The following SUMF1 variants were observed in gnomAD, a reference collection of about 807,000 sequenced individuals.
SUMF1 encodes the protein formylglycine-generating enzyme.
In SUMF1, 48 loss-of-function variants were observed where a neutral mutation model predicts 47.6. The observed-to-expected ratio is 1.01, with a 90% CI of 0.80 to 1.28. The LOEUF (loss-of-function observed/expected upper bound fraction) is 1.28, where lower values mean the gene tolerates loss of function less well. Ranked by LOEUF, SUMF1 falls within the 50% of genes most tolerant of loss-of-function variation. The probability of loss-of-function intolerance (pLI) is 0.00; values close to 1 mark genes in which losing one functional copy is unlikely to be tolerated. For synonymous variants in SUMF1, 230 were observed against 192.1 expected (o/e 1.20, Z -1.63); for missense variants, 571 against 485.4 (o/e 1.18, Z -1.66).
At chr3:4,389,527 A>G in intron 7 of SUMF1, among the ~76,000 whole-genome samples, 1 of 152,172 alleles carries the variant, frequency 6.6e-6, no homozygotes, top group Non-Finnish European at 1.5e-5. Context: ...GCTTTCAGCC[A>G]TTATTTTGTG....
intron 8 of SUMF1, among the ~76,000 whole-genome samples, chr3:4,179,247 A>T (rs1384498146): frequency 2.0e-5 from 3 of 152,180 alleles, no homozygotes; most frequent in Admixed American, 6.5e-5. Flanking sequence ...AAGCAAAAAG[A>T]ACAAAGCTGG....
intron 8 of SUMF1, among the ~76,000 whole-genome samples, chr3:4,322,579 G>A (rs112155067): frequency 1.0e-3 from 153 of 151,794 alleles, no homozygotes; most frequent in Non-Finnish European, 2.0e-3. Flanking sequence ...AGGATCCCTT[G>A]ACCCTAGGAG....
intron 3 of SUMF1, among the ~76,000 whole-genome samples, chr3:4,425,456 T>G (rs1233782721): frequency 9.9e-5 from 15 of 152,200 alleles, no homozygotes; most frequent in Non-Finnish European, 1.6e-4. Flanking sequence ...TCAGAGAACA[T>G]ATATTCTAAT....
intron 8 of SUMF1, among the ~76,000 whole-genome samples, chr3:4,176,975 A>C (rs1694979178): frequency 6.6e-6 from 1 of 152,214 alleles, no homozygotes; most frequent in Non-Finnish European, 1.5e-5. Flanking sequence ...GATCAATTCA[A>C]CAAGAAGAGC....
intron 8 of SUMF1, among the ~76,000 whole-genome samples, chr3:4,247,249 AT>A (rs1291988583): frequency 6.6e-6 from 1 of 152,170 alleles, no homozygotes; most frequent in Non-Finnish European, 1.5e-5. Flanking sequence ...ATATAGTAGT[AT>A]TTTGGAACAT....
rs79591592 is a variant in SUMF1, at chr3:4,298,245, T to C, written c.1014+78085A>G. ...AACAAATTCTGAAGATCAAGGTTCC[T>C]GGTCAATGAAAAGCAGTTGTCTAGA... On this transcript the variant is annotated intron_variant and NMD_transcript_variant, in intron 8 of 12. Coordinates refer to the SUMF1 transcript ENST00000448413. Among the ~76,000 whole-genome samples the C allele has an allele frequency of 7.3e-3, 1,116 of 152,322 alleles. 18 individuals carry two copies. Among genetic ancestry groups the C allele is most frequent in the African/African-American group, 0.026 (1,062 of 41,568 alleles).
At chr3:4,165,335 G>T (rs1694675037) in intron 8 of SUMF1, among the ~76,000 whole-genome samples, 1 of 152,100 alleles carries the variant, frequency 6.6e-6, no homozygotes, top group Non-Finnish European at 1.5e-5. Flanking sequence ...CCCGGGTTGG[G>T]CTAAATTCCC....
At chr3:4,035,060 G>C (rs915998693) in intron 9 of SUMF1, among the ~76,000 whole-genome samples, 1 of 152,068 alleles carries the variant, frequency 6.6e-6, no homozygotes, top group African/African-American at 2.4e-5. Flanking sequence ...CAGAAAATCA[G>C]TCCAGCTGGA....
At chr3:4,203,973 G>T (rs867457028) in intron 8 of SUMF1, among the ~76,000 whole-genome samples, 1 of 151,752 alleles carries the variant, frequency 6.6e-6, no homozygotes, top group Admixed American at 6.6e-5. Context: ...TTTTTGATAA[G>T]TCCATCCTTT....
rs200461432 is a variant in SUMF1, at chr3:4,446,224, TG to T, written c.519+3041del. 7.3e-3 allele frequency among the ~76,000 whole-genome samples: 1,113 copies of T among 152,298 alleles called. 20 individuals carry two copies. The highest frequency in any genetic ancestry group is 0.026 in the African/African-American group (1,064 of 41,568). ...ATAGCTCCAATAATCCCACCTGTCA[TG>T]GGAGGGACTCAGTGGGAGGTAACTG... On this transcript the variant is annotated intron_variant, in intron 3 of 8. Coordinates refer to ENST00000272902, the MANE Select transcript of SUMF1 (RefSeq NM_182760.4).
chr3:4,306,401 A>G (rs1250375096), intron 8 of SUMF1, among the ~76,000 whole-genome samples: 2 of 152,196 alleles, frequency 1.3e-5, no homozygotes, highest in Non-Finnish European at 2.9e-5. Flanking sequence ...TCTATTTTTA[A>G]AAGGGGAGAA....
chr3:4,036,332 C>A (rs1694794744), intron 9 of SUMF1, among the ~76,000 whole-genome samples: 1 of 152,098 alleles, frequency 6.6e-6, no homozygotes, highest in Non-Finnish European at 1.5e-5. Context: ...AAACTGTTAT[C>A]TTATTTTGAG....
chr3:4,197,492 T>C (rs961011739), intron 8 of SUMF1, among the ~76,000 whole-genome samples: 7 of 151,920 alleles, frequency 4.6e-5, no homozygotes, highest in African/African-American at 1.7e-4. Flanking sequence ...ACGGAAGAAA[T>C]AGTCTAAGGA....
intron 8 of SUMF1, among the ~76,000 whole-genome samples, chr3:4,154,975 G>C (rs941145162): frequency 1.3e-4 from 20 of 151,598 alleles, no homozygotes; most frequent in Non-Finnish European, 2.6e-4. Context: ...CTGGGGCTCA[G>C]CAGAGAAAGG....
At chr3:4,104,989 C>T (rs1051685087) in intron 8 of SUMF1, among the ~76,000 whole-genome samples, 1 of 151,966 alleles carries the variant, frequency 6.6e-6, no homozygotes, top group Non-Finnish European at 1.5e-5. Context: ...TGTCTATCAA[C>T]GAATGCATAA....
At chr3:4,065,453 T>C (rs1695354009) in intron 9 of SUMF1, among the ~76,000 whole-genome samples, 1 of 152,186 alleles carries the variant, frequency 6.6e-6, no homozygotes, top group Non-Finnish European at 1.5e-5. Context: ...CCTAATTGCA[T>C]CTGACTAAGG....
chr3:4,267,189 T>G (rs1697213057), intron 8 of SUMF1, among the ~76,000 whole-genome samples: 1 of 152,138 alleles, frequency 6.6e-6, no homozygotes, highest in Non-Finnish European at 1.5e-5. Flanking sequence ...AAATTCTCTT[T>G]TTTGGTTGTG....
intron 8 of SUMF1, among the ~76,000 whole-genome samples, chr3:4,174,077 C>G (rs1253575930): frequency 2.0e-5 from 3 of 151,972 alleles, no homozygotes; most frequent in Non-Finnish European, 4.4e-5. Context: ...GTTACCCAGG[C>G]CAGGCACGGT....
chr3:4,371,833 G>A (rs1189622406), intron 8 of SUMF1, among the ~76,000 whole-genome samples: 1 of 152,136 alleles, frequency 6.6e-6, no homozygotes, highest in Non-Finnish European at 1.5e-5. Context: ...GTGTGCCTAA[G>A]GTCACATGGT....
Sources: gnomAD v4.1 joint callset for allele counts (sites outside exome capture counted in the v4.1 genomes callset) on GRCh38, gnomAD v4.1.1 for gene constraint, MANE v1.5 for transcripts, NCBI Gene and HGNC (gene_info 2026-07-23, HGNC 2026-07-21) for gene names.